Variants in EIF4G3 observed in about 807,000 individuals in gnomAD.
EIF4G3 encodes the protein eIF-4-gamma 3.
A neutral mutation model predicts 186.4 loss-of-function variants in EIF4G3; 34 were observed. That is an observed-to-expected ratio of 0.18 (90% CI 0.14 to 0.24). The LOEUF is 0.24. EIF4G3 is among the 10% of genes least tolerant of loss of function. The probability of loss-of-function intolerance (pLI) is 1.00; values close to 1 mark genes in which losing one functional copy is unlikely to be tolerated. For synonymous variants in EIF4G3, 673 were observed against 679.5 expected, an observed-to-expected ratio of 0.99 and a Z score of 0.15; for missense variants, 1,536 against 1,948.5, an observed-to-expected ratio of 0.79 and a Z score of 3.99.
At chr1:20,825,001 T>C in intron 33 of EIF4G3, 99 bp downstream of exon 33, 1 of 682,102 alleles carries the variant, frequency 1.5e-6, no homozygotes, top group Non-Finnish European at 2.3e-6. Flanking sequence ...CCTATTTTGA[T>C]GCAATTTTAA....
intron 14 of EIF4G3, among the ~76,000 whole-genome samples, chr1:20,914,348 A>G (rs1243742871): frequency 1.3e-5 from 2 of 152,080 alleles, no homozygotes; most frequent in Non-Finnish European, 2.9e-5. Flanking sequence ...TGTAATCGAA[A>G]GGCTCATTAC....
rs1351200223 is a variant in EIF4G3 at position 20,852,027 on chromosome 1, G to C, written c.3552-549C>G. 2.0e-5 allele frequency among the ~76,000 whole-genome samples: 3 copies of C among 152,164 alleles called. No individual in the cohort carries two copies. In the East Asian group the frequency reaches 5.8e-4, roughly 29 times the overall value. ...TGAGACTCTGTCTCAAAAAAAGCCA[G>C]TGATAATTTTGGTAATTTCTTTCTC... On this transcript the variant is annotated intron_variant, in intron 27 of 36. Transcript: ENST00000602326.
intron 7 of EIF4G3, among the ~76,000 whole-genome samples, chr1:20,984,041 G>A (rs1244736481): frequency 3.3e-5 from 5 of 152,174 alleles, no homozygotes; most frequent in African/African-American, 1.2e-4. Context: ...TTTCTGAACA[G>A]TATGAAACTA....
Position 20,931,850 on chromosome 1 carries a change from G to A in EIF4G3, c.1663+9641C>T, listed in dbSNP as rs887257761. 4.6e-5 allele frequency among the ~76,000 whole-genome samples: 7 copies of A among 151,944 alleles called. No individual in the cohort carries two copies. The East Asian group carries it at 1.2e-3, about 25-fold the overall frequency. On this transcript the variant is annotated intron_variant, in intron 14 of 36. Coordinates refer to ENST00000602326, the MANE Select transcript of EIF4G3 (RefSeq NM_001391906.1). ...TGAGGCAGAAGAATCGCTTGAACCCGGGAGGCGGAGGTTGCAGTGAGCCAA... is the reference window on the plus strand; with the variant it reads ...TGAGGCAGAAGAATCGCTTGAACCCAGGAGGCGGAGGTTGCAGTGAGCCAA...
rs200451716 is a variant in EIF4G3 at position 20,973,068 on chromosome 1, A to G, written c.525T>C (p.Tyr175=). Residue 175 remains tyrosine, a synonymous_variant, in exon 11 of 37, where the codon TAT becomes TAC. Transcript: ENST00000602326. ...TAGGCACTATGATAGGTGCTGACTG[A>G]TACACCGGCTGACTTGGGTAAAAAG... ...GTPFYPSQPV[Y]QSAPIIVPTQ... The G allele has an allele frequency of 1.5e-4, 234 of 1,610,780 alleles. 1 individual carries two copies. Among genetic ancestry groups the G allele is most frequent in the Non-Finnish European group, 3.7e-5 (44 of 1,179,232 alleles).
rs182376074 is a variant in EIF4G3, at chr1:21,105,773, A to G, written c.-271-16560T>C. Among the ~76,000 whole-genome samples, 32 of 152,210 alleles carry G rather than the reference A, an allele frequency of 2.1e-4. 1 individual carries two copies. Among genetic ancestry groups the G allele is most frequent in the Admixed American group, 2.0e-3 (31 of 15,288 alleles). On this transcript the variant is annotated intron_variant, in intron 2 of 36. Transcript: ENST00000602326. ...TGGGAAACAGCTGTGATCAAGGATG[A>G]TAAGAGTGGTTGGGCACAGAGACTC...
chr1:21,175,874 G>T (rs530239559), intron 2 of EIF4G3: 15 of 167,128 alleles, frequency 9.0e-5, no homozygotes, highest in African/African-American at 1.7e-4. Flanking sequence ...CCCAATAAAG[G>T]GGGGGAGGGT....
At chr1:20,921,216 T>C (rs1023314421) in intron 14 of EIF4G3, among the ~76,000 whole-genome samples, 2 of 152,224 alleles carry the variant, frequency 1.3e-5, no homozygotes, top group Admixed American at 6.5e-5. Flanking sequence ...CATATGTTGT[T>C]ATTTGGAAAT....
At chr1:20,883,250 T>G (rs1306926160) in intron 19 of EIF4G3, among the ~76,000 whole-genome samples, 1 of 152,114 alleles carries the variant, frequency 6.6e-6, no homozygotes, top group Non-Finnish European at 1.5e-5. Context: ...GTACTAGGGT[T>G]GATTAGAGAC....
chr1:21,001,642 T>C (rs911860445), intron 5 of EIF4G3, among the ~76,000 whole-genome samples: 1 of 152,090 alleles, frequency 6.6e-6, no homozygotes, highest in African/African-American at 2.4e-5. Flanking sequence ...AACAGGCAAC[T>C]AGGACCAAAG....
At chr1:21,080,328 AGAG>A (rs2095733754) in intron 3 of EIF4G3, among the ~76,000 whole-genome samples, 1 of 136,348 alleles carries the variant, frequency 7.3e-6, no homozygotes, top group African/African-American at 2.6e-5. Context: ...CAAAAAAAAA[AGAG>A]AGAGAGAAAG....
chr1:21,007,538 C>CAAAAAAAAAAAAAACAAAAAA (rs1471121881), intron 4 of EIF4G3, among the ~76,000 whole-genome samples: 2 of 58,488 alleles, frequency 3.4e-5, no homozygotes, highest in Non-Finnish European at 6.8e-5. Flanking sequence ...AAAAAAAAAA[C>CAAAAAAAAAAAAAACAAAAAA]ACACTCAAAA....
At chr1:21,043,503 C>A (rs959041743) in intron 4 of EIF4G3, among the ~76,000 whole-genome samples, 2 of 152,102 alleles carry the variant, frequency 1.3e-5, no homozygotes, top group South Asian at 2.1e-4. Context: ...AAATGGAATT[C>A]TTTTCGGCTA....
intron 33 of EIF4G3, among the ~76,000 whole-genome samples, chr1:20,822,355 CTTTTTTT>C (rs57050580): frequency 3.1e-5 from 2 of 65,048 alleles, no homozygotes; most frequent in African/African-American, 1.2e-4. Context: ...AAAGAACCAG[CTTTTTTT>C]TTTTTTTTTT....
chr1:21,160,539 A>T (rs2097748703), intron 2 of EIF4G3, among the ~76,000 whole-genome samples: 1 of 152,200 alleles, frequency 6.6e-6, no homozygotes, highest in Admixed American at 6.5e-5. Context: ...GACCAGCAAG[A>T]TGCCAACTTA....
intron 24 of EIF4G3, among the ~76,000 whole-genome samples, chr1:20,859,144 T>C (rs1310852731): frequency 1.3e-5 from 2 of 152,254 alleles, no homozygotes; most frequent in Non-Finnish European, 2.9e-5. Context: ...TCCTTGTCTC[T>C]ATGACACTTG....
intron 7 of EIF4G3, among the ~76,000 whole-genome samples, chr1:20,985,750 T>A (rs1244658759): frequency 1.1e-4 from 16 of 152,184 alleles, no homozygotes; most frequent in Admixed American, 1.0e-3. Context: ...AGTCAAACTC[T>A]CCTGAATGGA....
intron 27 of EIF4G3, 113 bp from the exon 28 acceptor site, chr1:20,851,591 T>A: frequency 1.1e-6 from 1 of 942,582 alleles, no homozygotes; most frequent in South Asian, 1.6e-5. Context: ...TTTTCACAGA[T>A]AACATTAGAT....
At chr1:20,903,649 C>T (rs2091169041) in intron 15 of EIF4G3, among the ~76,000 whole-genome samples, 1 of 152,090 alleles carries the variant, frequency 6.6e-6, no homozygotes, top group South Asian at 2.1e-4. Context: ...TCACAACGAT[C>T]AACATTTTAG....
Sources: allele counts gnomAD v4.1 joint callset (sites outside exome capture counted in the v4.1 genomes callset), GRCh38; gene constraint gnomAD v4.1.1; transcripts MANE v1.5; gene names NCBI Gene and HGNC (gene_info 2026-07-23, HGNC 2026-07-21).